DCDC2: variants seen among roughly 807,000 people sequenced by gnomAD.
DCDC2 encodes doublecortin domain containing 2.
A neutral mutation model predicts 50.2 loss-of-function variants in DCDC2; 40 were observed. That is an observed-to-expected ratio of 0.80 (90% CI 0.62 to 1.04). DCDC2 has a LOEUF of 1.04. DCDC2 is among the 50% of genes least tolerant of loss of function. The pLI, the probability that DCDC2 is intolerant of heterozygous loss-of-function variation, is 0.00. For synonymous variants in DCDC2, 234 were observed against 210.6 expected, an observed-to-expected ratio of 1.11 and a Z score of -0.96; for missense variants, 570 against 581.9, an observed-to-expected ratio of 0.98 and a Z score of 0.21.
At chr6:24,345,291 G>A (rs1760234764) in intron 2 of DCDC2, among the ~76,000 whole-genome samples, 1 of 152,022 alleles carries the variant, frequency 6.6e-6, no homozygotes, top group Non-Finnish European at 1.5e-5. Flanking sequence ...CCTTTAAGTA[G>A]GAAATCCTAT....
At chr6:24,274,955 A>T (rs1028530055) in intron 7 of DCDC2, among the ~76,000 whole-genome samples, 42 of 152,226 alleles carry the variant, frequency 2.8e-4, no homozygotes, top group Non-Finnish European at 5.6e-4. Context: ...ATAAAACTAA[A>T]TAGCTTATTT....
At chr6:24,239,710 T>C (rs1363790099) in intron 7 of DCDC2, among the ~76,000 whole-genome samples, 1 of 152,222 alleles carries the variant, frequency 6.6e-6, no homozygotes, top group Non-Finnish European at 1.5e-5. Context: ...CCTACAGCTA[T>C]GTTCCTCTCA....
intron 7 of DCDC2, among the ~76,000 whole-genome samples, chr6:24,230,577 G>A (rs574377328): frequency 1.8e-4 from 28 of 152,224 alleles, no homozygotes; most frequent in African/African-American, 5.5e-4. Context: ...CCGGGAGTTC[G>A]AGGCTGCAGT....
chr6:24,354,289 G>C lies in DCDC2; in HGVS notation c.294-666C>G, dbSNP rs186328400. 5.9e-5 allele frequency among the ~76,000 whole-genome samples: 9 copies of C among 152,190 alleles called. No individual in the cohort carries two copies. The East Asian group carries it at 9.6e-4, about 16-fold the overall frequency. Reference sequence around the variant, plus strand: ...TCACGTGTAATATCACTGTGATGTGGTTCCAGTTTTAAATGGTCCCTAAAC... The same window carrying C: ...TCACGTGTAATATCACTGTGATGTGCTTCCAGTTTTAAATGGTCCCTAAAC... On this transcript the variant is annotated intron_variant, in intron 1 of 9. Transcript: ENST00000378454.
chr6:24,209,849 G>C (rs1309133061), intron 7 of DCDC2, among the ~76,000 whole-genome samples: 2 of 152,158 alleles, frequency 1.3e-5, no homozygotes, highest in African/African-American at 4.8e-5. Flanking sequence ...TAGCTGTCTA[G>C]AGTCACGGTC....
At chr6:24,276,775 G>C (rs943190377) in intron 7 of DCDC2, among the ~76,000 whole-genome samples, 3 of 151,804 alleles carry the variant, frequency 2.0e-5, no homozygotes, top group Non-Finnish European at 4.4e-5. Flanking sequence ...TCACGGGAAA[G>C]GACTGTACAA....
At chr6:24,290,450 C>T (rs1156901331) in intron 5 of DCDC2, among the ~76,000 whole-genome samples, 1 of 152,128 alleles carries the variant, frequency 6.6e-6, no homozygotes, top group Non-Finnish European at 1.5e-5. Flanking sequence ...TACACCCATC[C>T]TCTCTATTTG....
intron 2 of DCDC2, among the ~76,000 whole-genome samples, chr6:24,335,459 A>G (rs1410476635): frequency 6.6e-6 from 1 of 152,200 alleles, no homozygotes; most frequent in Non-Finnish European, 1.5e-5. Context: ...GCTTTCCAGC[A>G]TCTGAATGCG....
intron 8 of DCDC2, among the ~76,000 whole-genome samples, chr6:24,185,226 T>A (rs983697331): frequency 6.6e-6 from 1 of 152,148 alleles, no homozygotes; most frequent in African/African-American, 2.4e-5. Context: ...CAACTGGCCC[T>A]AAATTCAGGC....
chr6:24,367,819 G>A, the DCDC2 span, among the ~76,000 whole-genome samples: 7 of 152,100 alleles, frequency 4.6e-5, no homozygotes, highest in African/African-American at 7.2e-5. Flanking sequence ...GAAGGAACAA[G>A]AGACAGAAGA....
chr6:24,193,854 TA>T (rs1761364419), intron 8 of DCDC2, among the ~76,000 whole-genome samples: 1 of 151,902 alleles, frequency 6.6e-6, no homozygotes, highest in African/African-American at 2.4e-5. Context: ...TAAATCAAGA[TA>T]AATACAAAGC....
At chr6:24,306,543 T>TAGATAGAGAGACAGACAGAC (rs1209633765) in intron 2 of DCDC2, among the ~76,000 whole-genome samples, 31 of 115,722 alleles carry the variant, frequency 2.7e-4, no homozygotes, top group African/African-American at 9.8e-4. Context: ...GATAGATAGA[T>TAGATAGAGAGACAGACAGAC]AGACAGACAG....
intron 7 of DCDC2, among the ~76,000 whole-genome samples, chr6:24,217,743 G>A (rs1762012600): frequency 6.6e-6 from 1 of 152,146 alleles, no homozygotes; most frequent in South Asian, 2.1e-4. Context: ...CATTTAAGGT[G>A]TTTATATTTG....
chr6:24,236,519 T>C (rs1762443076), intron 7 of DCDC2, among the ~76,000 whole-genome samples: 1 of 152,084 alleles, frequency 6.6e-6, no homozygotes, highest in African/African-American at 2.4e-5. Context: ...CAAAAGCAAT[T>C]GAAACATAAA....
the DCDC2 span, among the ~76,000 whole-genome samples, chr6:24,373,939 G>C: frequency 2.6e-5 from 4 of 151,972 alleles, no homozygotes; most frequent in African/African-American, 9.7e-5. Context: ...GATGCGGGCA[G>C]ATCACAAGGT....
chr6:24,344,965 A>T (rs1381341318), intron 2 of DCDC2, among the ~76,000 whole-genome samples: 1 of 152,210 alleles, frequency 6.6e-6, no homozygotes, highest in East Asian at 1.9e-4. Flanking sequence ...TTTTTGGAAG[A>T]ATTTGCAAAA....
At chr6:24,220,449 G>C (rs1762074477) in intron 7 of DCDC2, among the ~76,000 whole-genome samples, 1 of 152,166 alleles carries the variant, frequency 6.6e-6, no homozygotes, top group African/African-American at 2.4e-5. Context: ...AAAGACATAT[G>C]TAACTACTTT....
At chr6:24,274,627 A>AAAG (rs1473654836) in intron 7 of DCDC2, among the ~76,000 whole-genome samples, 9 of 123,390 alleles carry the variant, frequency 7.3e-5, no homozygotes, top group African/African-American at 1.7e-4. Context: ...AAAAAAAAAA[A>AAAG]AAGAAGAAAA....
the DCDC2 span, among the ~76,000 whole-genome samples, chr6:24,379,265 C>T: frequency 0.4 from 60,777 of 151,840 alleles, 12,923 homozygotes; most frequent in African/African-American, 0.54. Flanking sequence ...CTACAGAATG[C>T]GAGAAAATTT....
Sources: allele counts gnomAD v4.1 joint callset (sites outside exome capture counted in the v4.1 genomes callset), GRCh38; gene constraint gnomAD v4.1.1; transcripts MANE v1.5; gene names NCBI Gene and HGNC (gene_info 2026-07-23, HGNC 2026-07-21).